Variants in TSNARE1 observed in about 807,000 individuals in gnomAD.
TSNARE1 encodes t-SNARE domain-containing protein 1.
Under a neutral mutation model 62.0 loss-of-function variants are expected in TSNARE1, and 49 were observed. The observed-to-expected ratio is 0.79, with a 90% CI of 0.63 to 1.00. The LOEUF (loss-of-function observed/expected upper bound fraction) is 1.00, where lower values mean the gene tolerates loss of function less well. TSNARE1 is among the 50% of genes least tolerant of loss of function. The pLI, the probability that TSNARE1 is intolerant of heterozygous loss-of-function variation, is 0.00. For missense variants in TSNARE1, 755 were observed against 700.1 expected, an observed-to-expected ratio of 1.08 and a Z score of -0.88; for synonymous variants, 328 against 294.4, an observed-to-expected ratio of 1.11 and a Z score of -1.17.
At chr8:142,315,175 C>G in intron 7 of TSNARE1, 83 bp from the exon 8 acceptor site, 1 of 1,372,952 alleles carries the variant, frequency 7.3e-7, no homozygotes. Context: ...CCTCCCGTAC[C>G]GATGTCCCAC....
chr8:142,331,970 T>C, intron 4 of TSNARE1, 139 bp from the exon 5 acceptor site: 2 of 796,188 alleles, frequency 2.5e-6, no homozygotes, highest in Non-Finnish European at 4.1e-6. Flanking sequence ...CTCACTGCCT[T>C]TGCGGCTTGG....
At chr8:142,306,623 C>A (rs1826721043) in intron 9 of TSNARE1, among the ~76,000 whole-genome samples, 1 of 152,254 alleles carries the variant, frequency 6.6e-6, no homozygotes, top group Non-Finnish European at 1.5e-5. Flanking sequence ...CCCCTCGCAC[C>A]TGCCAGGGCT....
intron 4 of TSNARE1, among the ~76,000 whole-genome samples, chr8:142,341,406 C>T (rs891104842): frequency 4.6e-5 from 7 of 152,336 alleles, no homozygotes; most frequent in Middle Eastern, 3.4e-3. Context: ...AGGAGTAAAG[C>T]GCAGGCAGTG....
intron 10 of TSNARE1, chr8:142,300,213 C>G: frequency 2.7e-6 from 1 of 364,922 alleles, no homozygotes; most frequent in Non-Finnish European, 5.0e-6. Context: ...GCTACCCCAG[C>G]ATAGACCCCA....
chr8:142,343,969 T>C lies in TSNARE1; in HGVS notation c.742A>G (p.Arg248Gly). 5 of 1,524,410 alleles carry C rather than the reference T, an allele frequency of 3.3e-6. No homozygotes were observed. Among genetic ancestry groups the C allele is most frequent in the South Asian group, 1.3e-5 (1 of 76,612 alleles). 94.4% of individuals were successfully genotyped at this position (1,524,410 alleles called of 1,614,324 possible). Reference sequence around the variant, plus strand: ...GTGAGCTGAGCAAGGAACTCACCTCTGGGCGGCTCCAGACTGAAGCCCTCG... The same window carrying C: ...GTGAGCTGAGCAAGGAACTCACCTCCGGGCGGCTCCAGACTGAAGCCCTCG... ...PSEGFSLEPPRATQVDPCNLQ... is the reference protein window; with the variant it reads ...PSEGFSLEPPGATQVDPCNLQ... Residue 248 changes from arginine to glycine, a missense_variant, in exon 4 of 14, where the codon AGA becomes GGA. By Grantham distance (125) the Arg-to-Gly change is moderately radical (BLOSUM62 -2). Coordinates refer to ENST00000524325, the MANE Select transcript of TSNARE1 (RefSeq NM_145003.5).
At position 142,367,441 on chromosome 8, in the gene TSNARE1, CAT is replaced by C. The variant is rs60116902; in HGVS notation, c.-39-12680_-39-12679del. 7.7e-3 allele frequency among the ~76,000 whole-genome samples: 1,128 copies of C among 146,500 alleles called. 10 individuals carry two copies. The highest frequency in any genetic ancestry group is 0.022 in the Middle Eastern group (6 of 274). On this transcript the variant is annotated intron_variant, in intron 1 of 13. Coordinates refer to ENST00000524325, the MANE Select transcript of TSNARE1 (RefSeq NM_145003.5). ...GAGGAGCCAGACACCAAAGACCACA[CAT>C]GTTTGATTCCACTGTCATGAGAGGT... is the stretch of plus-strand genomic sequence containing the variant.
intron 11 of TSNARE1, chr8:142,275,817 C>T (rs1442908524): frequency 1.1e-6 from 1 of 922,792 alleles, no homozygotes; most frequent in Non-Finnish European, 1.3e-6. Flanking sequence ...ATAGAGAGGC[C>T]ATTACAACCA....
chr8:142,335,412 T>G (rs1270337874), intron 4 of TSNARE1, among the ~76,000 whole-genome samples: 1 of 152,022 alleles, frequency 6.6e-6, no homozygotes, highest in Non-Finnish European at 1.5e-5. Flanking sequence ...GACACAGAAG[T>G]GCATTCCTGT....
chr8:142,254,933 C>T (rs79143383), intron 12 of TSNARE1, among the ~76,000 whole-genome samples: 3,243 of 152,230 alleles, frequency 0.021, 123 homozygotes, highest in African/African-American at 0.074. Flanking sequence ...CAGGCCCCTC[C>T]AACAGGTCCT....
Position 142,345,795 on chromosome 8 carries a change from T to C in TSNARE1, c.186A>G (p.Glu62=). Residue 62 remains glutamate, a synonymous_variant, in exon 3 of 14, where the codon GAA becomes GAG. Coordinates refer to ENST00000524325, the MANE Select transcript of TSNARE1 (RefSeq NM_145003.5). ...GCGTGCCTGCTGGCCCCAGATCACC[T>C]TCCCCGTCCTTCCCCACACAGCGGT... is the stretch of plus-strand genomic sequence containing the variant. ...LQNRCVGKDG[E]GDLGPAGTPI... is the part of the protein sequence containing the mutation. The C allele has an allele frequency of 6.2e-7, 1 of 1,613,840 alleles. No homozygotes were observed. The highest frequency in any genetic ancestry group is 8.5e-7 in the Non-Finnish European group (1 of 1,179,852).
chr8:142,339,725 C>A (rs116921150), intron 4 of TSNARE1, among the ~76,000 whole-genome samples: 3,046 of 152,374 alleles, frequency 0.02, 46 homozygotes, highest in Non-Finnish European at 0.03. Flanking sequence ...GACAACCACT[C>A]CCGAGGGAGG....
chr8:142,273,555 C>T (rs989178412), intron 12 of TSNARE1: 1 of 985,426 alleles, frequency 1.0e-6, no homozygotes, highest in South Asian at 4.7e-5. Flanking sequence ...ACAGCCTCTC[C>T]CAGGTCTTGT....
intron 11 of TSNARE1, chr8:142,278,891 GGCCCAGGCTCCTCCCTGGCTCT>G (rs1186933925): frequency 1.3e-6 from 1 of 773,482 alleles, no homozygotes; most frequent in Admixed American, 6.3e-5. Context: ...GTCAAGCTGG[GGCCCAGGCTCCTCCCTGGCTCT>G]GCCCAAACTC....
rs1372291375 is a variant in TSNARE1, at chr8:142,343,779, AGGAGGAGGAGGAGGAGGG to A, written c.745+169_745+186del. 6.1e-5 allele frequency among the ~76,000 whole-genome samples: 3 copies of A among 49,258 alleles called. No individual in the cohort carries two copies. The Admixed American group carries it at 6.8e-4, about 11-fold the overall frequency. The allele number at this position is 49,258 out of a possible 152,430, so 32.3% of individuals were successfully genotyped here. On this transcript the variant is annotated intron_variant, in intron 4 of 13. Transcript: ENST00000524325. ...GGGGGGAGGAGGGGAGAAGAGGAGGAGGAGGAGGAGGAGGAGGGGGAGGAGGAGGAGGAGGGGAGAGGA... is the reference window on the plus strand; with the variant it reads ...GGGGGGAGGAGGGGAGAAGAGGAGGAGGAGGAGGAGGAGGAGGGGAGAGGA...
chr8:142,346,534 A>C (rs9324583), intron 2 of TSNARE1, among the ~76,000 whole-genome samples: 73,014 of 152,226 alleles, frequency 0.48, 20,491 homozygotes, highest in African/African-American at 0.77. Context: ...AGCCTTTTAA[A>C]ATCTCCAGAA....
At chr8:142,372,053 A>C (rs1835953374) in intron 1 of TSNARE1, among the ~76,000 whole-genome samples, 1 of 152,204 alleles carries the variant, frequency 6.6e-6, no homozygotes, top group Non-Finnish European at 1.5e-5. Flanking sequence ...CCATCAACCA[A>C]GGAGACGAAG....
intron 1 of TSNARE1, among the ~76,000 whole-genome samples, chr8:142,388,636 C>A (rs34762241): frequency 9.6e-5 from 14 of 145,800 alleles, no homozygotes; most frequent in African/African-American, 3.4e-4. Flanking sequence ...CAGCTCACTG[C>A]AACCTCCACC....
intron 12 of TSNARE1, among the ~76,000 whole-genome samples, chr8:142,261,746 A>T (rs1818899740): frequency 6.6e-6 from 1 of 152,136 alleles, no homozygotes; most frequent in Non-Finnish European, 1.5e-5. Context: ...AGCTCCGACA[A>T]GGCAGCTCAC....
Position 142,323,094 on chromosome 8 carries a change from G to A in TSNARE1, c.894-4460C>T, listed in dbSNP as rs572751930. Among the ~76,000 whole-genome samples the A allele has an allele frequency of 3.9e-5, 6 of 151,996 alleles. 2 individuals carry two copies. The highest frequency in any genetic ancestry group is 4.2e-4 in the South Asian group (2 of 4,802). ...ATGAAAGGCCGGCCTGGCTGCATCC[G>A]TGGGCTGATGACGATATTGTTATTA... is the stretch of plus-strand genomic sequence containing the variant. On this transcript the variant is annotated intron_variant, in intron 6 of 13. Coordinates refer to ENST00000524325, the MANE Select transcript of TSNARE1 (RefSeq NM_145003.5).
Sources: allele counts gnomAD v4.1 joint callset (sites outside exome capture counted in the v4.1 genomes callset), GRCh38; gene constraint gnomAD v4.1.1; transcripts MANE v1.5; gene names NCBI Gene and HGNC (gene_info 2026-07-23, HGNC 2026-07-21).